Variants in KCNK10 observed in about 807,000 individuals in gnomAD.
KCNK10 encodes potassium channel subfamily K member 10.
A neutral mutation model predicts 47.7 loss-of-function variants in KCNK10; 25 were observed. The observed-to-expected ratio is 0.52, with a 90% CI of 0.38 to 0.73. KCNK10 has a LOEUF of 0.73. Among genes scored for constraint, KCNK10 ranks in the 30% least tolerant of loss-of-function variants. The pLI, the probability that KCNK10 is intolerant of heterozygous loss-of-function variation, is 0.00. For synonymous variants in KCNK10, 303 were observed against 285.6 expected (o/e 1.06, Z -0.61); for missense variants, 563 against 714.5 (o/e 0.79, Z 2.42).
intron 3 of KCNK10, among the ~76,000 whole-genome samples, chr14:88,229,987 T>A (rs1247404086): frequency 6.6e-6 from 1 of 152,218 alleles, no homozygotes; most frequent in Non-Finnish European, 1.5e-5. Flanking sequence ...CTGATTCTTC[T>A]ATTTACCAAC....
chr14:88,320,485 C>A lies in KCNK10; in HGVS notation c.52+2262G>T, dbSNP rs529889047. ...TCCCTCTGTTCCTTGAAGATCCTGA[C>A]CCCAGCACTTAGACAGCTGCCCACC... is the stretch of plus-strand genomic sequence containing the variant. On this transcript the variant is annotated intron_variant, in intron 1 of 6. Coordinates refer to ENST00000319231, the MANE Select transcript of KCNK10 (RefSeq NM_138317.3). Among the ~76,000 whole-genome samples, 66 of 152,236 alleles carry A rather than the reference C, an allele frequency of 4.3e-4. No homozygotes were observed. In the South Asian group the frequency reaches 8.7e-3, roughly 20 times the overall value.
intron 3 of KCNK10, among the ~76,000 whole-genome samples, chr14:88,230,443 A>C (rs568027685): frequency 7.2e-5 from 11 of 152,218 alleles, no homozygotes; most frequent in Non-Finnish European, 1.6e-4. Context: ...CCCGTTTTTC[A>C]GGAAGAGAAA....
chr14:88,315,181 C>T lies in KCNK10; in HGVS notation c.52+7566G>A, dbSNP rs185082127. ...CAGGTTATTGTAAGAATGTAGAGGC[C>T]GAAACAGATCTATCATAATCACCTC... On this transcript the variant is annotated intron_variant, in intron 1 of 6. Coordinates refer to ENST00000319231, the MANE Select transcript of KCNK10 (RefSeq NM_138317.3). Among the ~76,000 whole-genome samples the T allele has an allele frequency of 3.5e-3, 539 of 152,096 alleles. 4 individuals are homozygous for T. Among genetic ancestry groups the T allele is most frequent in the African/African-American group, 6.8e-3 (283 of 41,472 alleles).
intron 4 of KCNK10, among the ~76,000 whole-genome samples, chr14:88,205,842 C>T (rs946783925): frequency 2.0e-5 from 3 of 152,038 alleles, no homozygotes; most frequent in Admixed American, 6.6e-5. Context: ...ATGCCTGGCC[C>T]GTAGTGCATT....
chr14:88,227,611 A>T, intron 3 of KCNK10, 76 bp from the exon 4 acceptor site: 1 of 1,409,454 alleles, frequency 7.1e-7, no homozygotes, highest in South Asian at 1.4e-5. Context: ...AGACTTTTTT[A>T]AAAGTTTGTA....
In KCNK10 at chr14:88,186,978, C is replaced by G. The variant is rs370563720; in HGVS notation, c.1012-823G>C. 1.5e-3 allele frequency among the ~76,000 whole-genome samples: 228 copies of G among 152,334 alleles called. No homozygotes were observed. The highest frequency in any genetic ancestry group is 5.2e-3 in the African/African-American group (217 of 41,572). ...CAGACAGTATAAGTCCCATGCTTCCCTCTGCAAATGAGGAACTCAAATTTG... is the reference window on the plus strand; with the variant it reads ...CAGACAGTATAAGTCCCATGCTTCCGTCTGCAAATGAGGAACTCAAATTTG... On this transcript the variant is annotated intron_variant, in intron 6 of 6. Transcript: ENST00000319231. This position sits in a 1 kb window ranked among gnomAD's most constrained non-coding sequence, Gnocchi z 5.5.
At position 88,188,128 on chromosome 14, in the gene KCNK10, T is replaced by C; in HGVS notation, c.869-19A>G. 1 of 1,613,836 alleles carries C rather than the reference T, an allele frequency of 6.2e-7. No individual in the cohort carries two copies. The highest frequency in any genetic ancestry group is 8.5e-7 in the Non-Finnish European group (1 of 1,179,720). On this transcript the variant is annotated intron_variant, in intron 5 of 6. Transcript: ENST00000319231. The stretch of plus-strand genomic sequence containing the variant: ...TTTCCCCCTGAAAACAACCAAATGT[T>C]ACTTTAACCATGATCTAGCATATGG...
intron 1 of KCNK10, among the ~76,000 whole-genome samples, chr14:88,306,524 T>A (rs553482783): frequency 1.3e-5 from 2 of 152,264 alleles, no homozygotes; most frequent in African/African-American, 4.8e-5. Flanking sequence ...TGATAGCTCA[T>A]TCCCTGATGA....
chr14:88,277,758 T>C (rs1440684562), intron 1 of KCNK10, among the ~76,000 whole-genome samples: 6 of 152,188 alleles, frequency 3.9e-5, no homozygotes, highest in African/African-American at 1.2e-4. Flanking sequence ...GAGAAATCTA[T>C]GGCTGAATCA....
intron 2 of KCNK10, among the ~76,000 whole-genome samples, chr14:88,241,235 G>A (rs914359324): frequency 2.6e-5 from 4 of 152,194 alleles, no homozygotes; most frequent in Non-Finnish European, 4.4e-5. Flanking sequence ...AATGTTTTAC[G>A]TTGAGCTTGT....
intron 1 of KCNK10, among the ~76,000 whole-genome samples, chr14:88,313,893 T>C (rs1888375731): frequency 6.6e-6 from 1 of 152,226 alleles, no homozygotes; most frequent in African/African-American, 2.4e-5. Flanking sequence ...CAAACTGACT[T>C]TACCATGACA....
At chr14:88,277,984 C>T (rs921741893) in intron 1 of KCNK10, among the ~76,000 whole-genome samples, 1 of 152,082 alleles carries the variant, frequency 6.6e-6, no homozygotes, top group Non-Finnish European at 1.5e-5. Context: ...AAAAAGGGCT[C>T]GATTAATGTT....
chr14:88,282,695 G>A (rs971530938), intron 1 of KCNK10, among the ~76,000 whole-genome samples: 2 of 152,088 alleles, frequency 1.3e-5, no homozygotes, highest in African/African-American at 4.8e-5. Flanking sequence ...TTTATTCCTA[G>A]GAACCCTCCA....
intron 1 of KCNK10, among the ~76,000 whole-genome samples, chr14:88,319,637 C>T (rs371905071): frequency 8.5e-5 from 13 of 152,128 alleles, no homozygotes; most frequent in East Asian, 3.9e-4. Context: ...CTCCTTCCTC[C>T]TCTCTCTTCC....
chr14:88,213,160 G>A (rs1029761999), intron 4 of KCNK10, among the ~76,000 whole-genome samples: 2 of 152,120 alleles, frequency 1.3e-5, no homozygotes, highest in Non-Finnish European at 2.9e-5. Flanking sequence ...ACCCAGCTCC[G>A]TGATGAGCAC....
chr14:88,226,836 C>T (rs1216012731), intron 4 of KCNK10, among the ~76,000 whole-genome samples: 1 of 152,160 alleles, frequency 6.6e-6, no homozygotes, highest in African/African-American at 2.4e-5. Flanking sequence ...GGAAGTAGTA[C>T]ATCAGGATGC....
chr14:88,238,905 T>A (rs1427529104), intron 3 of KCNK10, among the ~76,000 whole-genome samples: 1 of 152,146 alleles, frequency 6.6e-6, no homozygotes, highest in African/African-American at 2.4e-5. Flanking sequence ...CCATTGTGCC[T>A]CAGGGATCTG....
chr14:88,268,391 C>T (rs930876004), intron 1 of KCNK10, among the ~76,000 whole-genome samples: 5 of 152,174 alleles, frequency 3.3e-5, no homozygotes, highest in Admixed American at 6.5e-5. Context: ...GGCCTGTAGG[C>T]GCATGCTCAT....
intron 4 of KCNK10, among the ~76,000 whole-genome samples, chr14:88,211,894 CAA>C (rs59401189): frequency 0.026 from 2,981 of 113,672 alleles, 42 homozygotes; most frequent in African/African-American, 0.056. Flanking sequence ...GACTTCATCT[CAA>C]AAAAAAAAAA....
Sources: allele counts gnomAD v4.1 joint callset (sites outside exome capture counted in the v4.1 genomes callset), GRCh38; gene constraint gnomAD v4.1.1; non-coding constraint Gnocchi (gnomAD v3.1); transcripts MANE v1.5; gene names NCBI Gene and HGNC (gene_info 2026-07-23, HGNC 2026-07-21).